Variants in LRP1B observed in about 807,000 individuals in gnomAD.
The protein encoded by LRP1B is low-density lipoprotein receptor-related protein 1B.
LRP1B carries 217 observed loss-of-function variants against 556.6 expected under a neutral mutation model. The ratio of observed to expected loss-of-function variants is 0.39; its 90% CI spans 0.35 to 0.44. The LOEUF (loss-of-function observed/expected upper bound fraction) is 0.44, where lower values mean the gene tolerates loss of function less well. LRP1B is among the 20% of genes least tolerant of loss of function. The pLI is 1.00. For synonymous variants in LRP1B, 2,047 were observed against 1,865.8 expected (o/e 1.10, Z -2.50); for missense variants, 5,053 against 5,620.8 (o/e 0.90, Z 3.23).
chr2:141,066,010 T>G (rs557327057), intron 7 of LRP1B, among the ~76,000 whole-genome samples: 2 of 152,100 alleles, frequency 1.3e-5, no homozygotes, highest in East Asian at 3.9e-4. Flanking sequence ...TTTTTTGTTA[T>G]GCAGCAAAAA....
chr2:140,679,934 CTTAT>C lies in LRP1B; in HGVS notation c.6799+20312_6799+20315del, dbSNP rs577943270. Among the ~76,000 whole-genome samples, 48 of 151,746 alleles carry C rather than the reference CTTAT, an allele frequency of 3.2e-4. 1 individual carries two copies. The highest frequency in any genetic ancestry group is 8.5e-4 in the Admixed American group (13 of 15,206). On this transcript the variant is annotated intron_variant, in intron 41 of 90. Coordinates refer to ENST00000389484, the MANE Select transcript of LRP1B (RefSeq NM_018557.3). Reference sequence around the variant, plus strand: ...ATTTATTTACTTTTTATTTAATTTACTTATTTATTTATTTAATTTACTTATTTAT... The same window carrying C: ...ATTTATTTACTTTTTATTTAATTTACTTATTTATTTAATTTACTTATTTAT...
chr2:140,912,742 A>T (rs10803479), intron 21 of LRP1B, among the ~76,000 whole-genome samples: 85,167 of 150,910 alleles, frequency 0.56, 24,615 homozygotes, highest in East Asian at 0.75. Flanking sequence ...CAAATTTTTT[A>T]AAAAAAATCC....
chr2:141,958,204 AGCCAAACATTG>A (rs1701311871), intron 1 of LRP1B, among the ~76,000 whole-genome samples: 2 of 152,076 alleles, frequency 1.3e-5, no homozygotes, highest in Admixed American at 1.3e-4. Context: ...ACTTGCACAC[AGCCAAACATTG>A]GCATGCTGAC....
chr2:140,289,330 A>G (rs1683282586), intron 84 of LRP1B, among the ~76,000 whole-genome samples: 1 of 152,052 alleles, frequency 6.6e-6, no homozygotes, highest in African/African-American at 2.4e-5. Context: ...CTAAAAAGAT[A>G]CATCAGTTGT....
chr2:140,302,050 T>C (rs1421316409), intron 83 of LRP1B, among the ~76,000 whole-genome samples: 1 of 152,090 alleles, frequency 6.6e-6, no homozygotes, highest in Non-Finnish European at 1.5e-5. Context: ...TTGGCTAATA[T>C]CTCTAGCTGG....
intron 1 of LRP1B, among the ~76,000 whole-genome samples, chr2:141,983,216 T>C (rs1302302544): frequency 2.0e-5 from 3 of 152,150 alleles, no homozygotes; most frequent in African/African-American, 7.2e-5. Flanking sequence ...ATTTGGGACG[T>C]ATTTTTCTAT....
chr2:140,959,725 T>G (rs903731113), intron 18 of LRP1B, among the ~76,000 whole-genome samples: 1 of 151,728 alleles, frequency 6.6e-6, no homozygotes, highest in Non-Finnish European at 1.5e-5. Context: ...TTCAGGAAAT[T>G]TCAGCCTTTT....
At chr2:141,424,235 T>A (rs1371892452) in intron 3 of LRP1B, among the ~76,000 whole-genome samples, 2 of 151,246 alleles carry the variant, frequency 1.3e-5, no homozygotes, top group East Asian at 4.0e-4. Context: ...TGCCGCAGCC[T>A]CCAGAGTAGC....
chr2:140,947,527 G>A (rs977944303), intron 20 of LRP1B, among the ~76,000 whole-genome samples: 1 of 152,172 alleles, frequency 6.6e-6, no homozygotes, highest in Non-Finnish European at 1.5e-5. Flanking sequence ...ACTAATCAAA[G>A]CGAATTTCTG....
intron 15 of LRP1B, among the ~76,000 whole-genome samples, chr2:140,998,469 A>G (rs757422905): frequency 5.9e-5 from 9 of 151,986 alleles, no homozygotes; most frequent in Non-Finnish European, 1.3e-4. Flanking sequence ...AGAAATATAA[A>G]GTTTGCTTGG....
At chr2:141,856,926 AG>A (rs1291394695) in intron 1 of LRP1B, among the ~76,000 whole-genome samples, 1 of 151,492 alleles carries the variant, frequency 6.6e-6, no homozygotes, top group East Asian at 1.9e-4. Flanking sequence ...AAAAAAAAAA[AG>A]TTTGAAGTCA....
rs1179077317 is a variant in LRP1B, at chr2:142,091,772, ACTCACCCTTTCC to A, written c.82+38864_82+38875del. Among the ~76,000 whole-genome samples the A allele has an allele frequency of 2.6e-5, 4 of 152,268 alleles. No individual in the cohort carries two copies. In the East Asian group the frequency reaches 7.7e-4, roughly 29 times the overall value. On this transcript the variant is annotated intron_variant, in intron 1 of 90. Coordinates refer to ENST00000389484, the MANE Select transcript of LRP1B (RefSeq NM_018557.3). Reference sequence around the variant, plus strand: ...GGTCTAAGAAAGTCATGACTAGCATACTCACCCTTTCCAGAAATTCTCTTTTTAGCCTCTCTT... The same window carrying A: ...GGTCTAAGAAAGTCATGACTAGCATAAGAAATTCTCTTTTTAGCCTCTCTT...
At chr2:140,414,765 CGT>C (rs1203739806) in intron 66 of LRP1B, among the ~76,000 whole-genome samples, 1 of 151,994 alleles carries the variant, frequency 6.6e-6, no homozygotes, top group Non-Finnish European at 1.5e-5. Flanking sequence ...GATTGTAAAA[CGT>C]GTGTTTGAAC....
At chr2:141,667,928 C>T (rs1473064478) in intron 2 of LRP1B, among the ~76,000 whole-genome samples, 3 of 152,124 alleles carry the variant, frequency 2.0e-5, no homozygotes, top group Non-Finnish European at 4.4e-5. Flanking sequence ...TTCATTTCCT[C>T]CTTTAATTAA....
intron 86 of LRP1B, among the ~76,000 whole-genome samples, chr2:140,265,100 C>CA (rs36121516): frequency 0.019 from 2,918 of 150,886 alleles, 31 homozygotes; most frequent in Non-Finnish European, 0.029. Flanking sequence ...TGTAAGTTTA[C>CA]AAAAAAAACC....
intron 1 of LRP1B, among the ~76,000 whole-genome samples, chr2:141,883,522 T>C (rs1165117237): frequency 6.6e-6 from 1 of 152,108 alleles, no homozygotes; most frequent in Non-Finnish European, 1.5e-5. Flanking sequence ...AAATATTAAA[T>C]GTGATGAGCC....
intron 7 of LRP1B, among the ~76,000 whole-genome samples, chr2:141,101,605 T>C (rs2104940171): frequency 6.6e-6 from 1 of 152,246 alleles, no homozygotes; most frequent in Admixed American, 6.5e-5. Context: ...CTTAATAAAT[T>C]GTGTATTTGA....
chr2:141,796,105 TC>T (rs1209328815), intron 2 of LRP1B, among the ~76,000 whole-genome samples: 1 of 151,644 alleles, frequency 6.6e-6, no homozygotes, highest in Non-Finnish European at 1.5e-5. Flanking sequence ...ATTTGTTAAA[TC>T]AGTTTTTGAG....
chr2:141,759,904 G>A (rs1217909800), intron 2 of LRP1B, among the ~76,000 whole-genome samples: 2 of 152,186 alleles, frequency 1.3e-5, no homozygotes, highest in Non-Finnish European at 2.9e-5. Flanking sequence ...GCCGAGGCGG[G>A]TAGATCACCT....
Sources: allele counts gnomAD v4.1 joint callset (sites outside exome capture counted in the v4.1 genomes callset), GRCh38; gene constraint gnomAD v4.1.1; transcripts MANE v1.5; gene names NCBI Gene and HGNC (gene_info 2026-07-23, HGNC 2026-07-21).